EBF2: variants seen among roughly 807,000 people sequenced by gnomAD.
EBF2 encodes the protein transcription factor COE2.
Under a neutral mutation model 72.8 loss-of-function variants are expected in EBF2, and 21 were observed. The observed-to-expected ratio is 0.29, with a 90% confidence interval of 0.20 to 0.42. EBF2 has a LOEUF of 0.42. Among genes scored for constraint, EBF2 ranks in the 10% least tolerant of loss-of-function variants. The pLI, the probability that EBF2 is intolerant of heterozygous loss-of-function variation, is 1.00. For missense variants in EBF2, 637 were observed against 731.2 expected (o/e 0.87, Z 1.49); for synonymous variants, 299 against 274.2 (o/e 1.09, Z -0.89).
intron 7 of EBF2, among the ~76,000 whole-genome samples, chr8:25,902,473 T>A (rs1387302050): frequency 6.6e-6 from 1 of 152,032 alleles, no homozygotes; most frequent in East Asian, 1.9e-4. Context: ...TTTCCTTTTT[T>A]CTTTTGCTCT....
chr8:25,937,378 C>T (rs1803597188), intron 6 of EBF2, among the ~76,000 whole-genome samples: 1 of 152,144 alleles, frequency 6.6e-6, no homozygotes, highest in Admixed American at 6.5e-5. Flanking sequence ...TCTCAGCAGC[C>T]CTCCCTGTAG....
intron 6 of EBF2, among the ~76,000 whole-genome samples, chr8:25,946,216 A>C (rs918755562): frequency 1.3e-5 from 2 of 152,258 alleles, no homozygotes; most frequent in African/African-American, 4.8e-5. Flanking sequence ...GCAATAACTA[A>C]GAAGAAAATC....
chr8:25,850,824 G>C lies in EBF2; in HGVS notation c.1529-63C>G, dbSNP rs551057097. On this transcript the variant is annotated intron_variant, in intron 14 of 15. Coordinates refer to ENST00000520164, the MANE Select transcript of EBF2 (RefSeq NM_022659.4). Reference sequence around the variant, plus strand: ...GATCTTCCTTCAGTTCACACATTTGGCACACATTTATTGAGAAATTGTTAA... The same window carrying C: ...GATCTTCCTTCAGTTCACACATTTGCCACACATTTATTGAGAAATTGTTAA... The C allele has an allele frequency of 7.3e-6, 11 of 1,499,662 alleles. No homozygotes were observed. The East Asian group carries it at 2.8e-4, about 39-fold the overall frequency. 92.9% of individuals were successfully genotyped at this position (1,499,662 alleles called of 1,614,324 possible).
chr8:25,909,488 GA>G (rs1359566894), intron 6 of EBF2, among the ~76,000 whole-genome samples: 1 of 151,096 alleles, frequency 6.6e-6, no homozygotes, highest in Non-Finnish European at 1.5e-5. Flanking sequence ...CTATGACAAC[GA>G]AATTTTACCG....
intron 2 of EBF2, chr8:26,041,295 G>A (rs1197247482): frequency 6.3e-6 from 3 of 473,346 alleles, no homozygotes; most frequent in African/African-American, 2.0e-5. Context: ...TGCCAAAGCT[G>A]CCTTTAAACA....
At position 25,866,930 on chromosome 8, in the gene EBF2, C is replaced by T. The variant is rs866833437; in HGVS notation, c.1010-4133G>A. On this transcript the variant is annotated intron_variant, in intron 10 of 15. Coordinates refer to ENST00000520164, the MANE Select transcript of EBF2 (RefSeq NM_022659.4). ...TACAGACATGAGCTACCGCGCCTGGCCTATATTTTATATTTTCTAATATTT... is the reference window on the plus strand; with the variant it reads ...TACAGACATGAGCTACCGCGCCTGGTCTATATTTTATATTTTCTAATATTT... Among the ~76,000 whole-genome samples, 21 of 151,978 alleles carry T rather than the reference C, an allele frequency of 1.4e-4. No homozygotes were observed. In the South Asian group the frequency reaches 2.5e-3, roughly 18 times the overall value.
At chr8:25,986,697 G>A (rs7018167) in intron 6 of EBF2, among the ~76,000 whole-genome samples, 65,705 of 151,648 alleles carry the variant, frequency 0.43, 14,532 homozygotes, top group South Asian at 0.51. Context: ...TGACTTTTTA[G>A]GGGGATGGCA....
chr8:25,849,584 C>T (rs954068845), intron 15 of EBF2, among the ~76,000 whole-genome samples: 3 of 152,162 alleles, frequency 2.0e-5, no homozygotes, highest in African/African-American at 7.2e-5. Context: ...ATGAGAGGAG[C>T]AGCCTAAAAA....
At chr8:25,869,746 G>T (rs1216936464) in intron 10 of EBF2, among the ~76,000 whole-genome samples, 2 of 152,042 alleles carry the variant, frequency 1.3e-5, no homozygotes, top group Non-Finnish European at 2.9e-5. Context: ...TTTTAGTGGT[G>T]GTAATATGCA....
chr8:25,996,660 A>G lies in EBF2; in HGVS notation c.551+36425T>C, dbSNP rs1487238560. On this transcript the variant is annotated intron_variant, in intron 6 of 15. Transcript: ENST00000520164. ...TCAAAGAAACTTAAAAGTGAAATAAACCCACAGAAAGCAGAATAATGGAAT... is the reference window on the plus strand; with the variant it reads ...TCAAAGAAACTTAAAAGTGAAATAAGCCCACAGAAAGCAGAATAATGGAAT... Among the ~76,000 whole-genome samples, 3 of 152,120 alleles carry G rather than the reference A, an allele frequency of 2.0e-5. No homozygotes were observed. The East Asian group carries it at 5.8e-4, about 29-fold the overall frequency.
chr8:25,948,851 T>C (rs143934581), intron 6 of EBF2, among the ~76,000 whole-genome samples: 1 of 152,300 alleles, frequency 6.6e-6, no homozygotes, highest in African/African-American at 2.4e-5. Flanking sequence ...CTCTGCAAAA[T>C]GAGGCCAGCA....
chr8:25,871,787 T>C (rs906634164), intron 10 of EBF2, among the ~76,000 whole-genome samples: 1 of 152,204 alleles, frequency 6.6e-6, no homozygotes, highest in Non-Finnish European at 1.5e-5. Flanking sequence ...ATATTTCTCT[T>C]GAGAGCCTGG....
intron 6 of EBF2, among the ~76,000 whole-genome samples, chr8:25,990,641 T>C (rs1193213501): frequency 6.6e-6 from 1 of 152,182 alleles, no homozygotes; most frequent in Admixed American, 6.5e-5. Flanking sequence ...TTAAATTGAC[T>C]CAGCCCATGT....
intron 6 of EBF2, among the ~76,000 whole-genome samples, chr8:26,003,481 T>C (rs1339533145): frequency 6.6e-6 from 1 of 152,130 alleles, no homozygotes. Flanking sequence ...AGGTAAGTAG[T>C]CTCCTGTATT....
At chr8:25,859,518 C>G (rs1008396605) in intron 13 of EBF2, among the ~76,000 whole-genome samples, 3 of 152,272 alleles carry the variant, frequency 2.0e-5, no homozygotes, top group Non-Finnish European at 1.5e-5. Flanking sequence ...GGGACCCAGT[C>G]TATGCCTGGG....
chr8:25,957,096 C>T (rs1039833519), intron 6 of EBF2, among the ~76,000 whole-genome samples: 3 of 152,156 alleles, frequency 2.0e-5, no homozygotes, highest in Admixed American at 6.5e-5. Context: ...TCCAAAAGCA[C>T]CCACTTTTAC....
At chr8:25,866,635 AT>A (rs869254548) in intron 10 of EBF2, among the ~76,000 whole-genome samples, 4,290 of 77,050 alleles carry the variant, frequency 0.056, 167 homozygotes, top group African/African-American at 0.13. Context: ...ATATATATAT[AT>A]TTTTTTTTTT....
In EBF2 at chr8:25,998,587, T is replaced by C. The variant is rs1563203489; in HGVS notation, c.551+34498A>G. Among the ~76,000 whole-genome samples the C allele has an allele frequency of 2.6e-5, 4 of 152,222 alleles. No individual in the cohort carries two copies. The East Asian group carries it at 5.8e-4, about 22-fold the overall frequency. On this transcript the variant is annotated intron_variant, in intron 6 of 15. Transcript: ENST00000520164. ...GTGGTGACGTTCTGCTTTCTTCCCA[T>C]TTATTTGTAGTACTTTCTGGGTTGT...
chr8:25,855,626 A>G (rs967455766), intron 14 of EBF2, among the ~76,000 whole-genome samples: 1 of 152,178 alleles, frequency 6.6e-6, no homozygotes, highest in Non-Finnish European at 1.5e-5. Flanking sequence ...AAGCAACTGA[A>G]TTGACAAAAT....
Sources: allele counts gnomAD v4.1 joint callset (sites outside exome capture counted in the v4.1 genomes callset), GRCh38; gene constraint gnomAD v4.1.1; transcripts MANE v1.5; gene names NCBI Gene and HGNC (gene_info 2026-07-23, HGNC 2026-07-21).